The following PATJ variants were observed in gnomAD, a reference collection of about 807,000 sequenced individuals.
PATJ encodes PATJ crumbs cell polarity complex component.
Under a neutral mutation model 224.9 loss-of-function variants are expected in PATJ, and 190 were observed. The observed-to-expected ratio is 0.84, with a 90% CI of 0.75 to 0.95. The LOEUF (loss-of-function observed/expected upper bound fraction) is 0.95. Among genes scored for constraint, PATJ ranks in the 40% least tolerant of loss-of-function variants. PATJ has a pLI of 0.00. For synonymous variants in PATJ, 769 were observed against 820.3 expected (o/e 0.94, Z 1.07); for missense variants, 2,121 against 2,270.3 (o/e 0.93, Z 1.34).
intron 41 of PATJ, among the ~76,000 whole-genome samples, chr1:62,134,330 C>CTTTTTTT (rs779235130): frequency 0.01 from 965 of 96,076 alleles, 2 homozygotes; most frequent in African/African-American, 0.012. Flanking sequence ...CCAGCCCTCT[C>CTTTTTTT]TTTTTTTTTT....
chr1:61,760,670 G>A (rs1036903511), intron 1 of PATJ, among the ~76,000 whole-genome samples: 4 of 144,284 alleles, frequency 2.8e-5, no homozygotes, highest in Admixed American at 7.0e-5. Context: ...AGGCTGGAGT[G>A]CAGTGGCATG....
At chr1:61,849,221 T>C (rs1254657681) in intron 17 of PATJ, among the ~76,000 whole-genome samples, 1 of 152,224 alleles carries the variant, frequency 6.6e-6, no homozygotes, top group Non-Finnish European at 1.5e-5. Flanking sequence ...GAAGGACCTC[T>C]GTAATACAGC....
intron 28 of PATJ, among the ~76,000 whole-genome samples, chr1:61,998,739 A>G (rs757022595): frequency 2.0e-5 from 3 of 152,166 alleles, no homozygotes; most frequent in Non-Finnish European, 4.4e-5. Flanking sequence ...TGCAGGAACT[A>G]TTATGTAAAA....
At chr1:61,814,547 T>TGTGTGTGTGTGTGTGTGTGTGTGCGC (rs370488022) in intron 14 of PATJ, among the ~76,000 whole-genome samples, 6 of 142,570 alleles carry the variant, frequency 4.2e-5, no homozygotes, top group African/African-American at 1.6e-4. Flanking sequence ...TGTGTGTGTG[T>TGTGTGTGTGTGTGTGTGTGTGTGCGC]GCGCGCGCGC....
chr1:61,760,480 CA>C (rs1159744494), intron 1 of PATJ, among the ~76,000 whole-genome samples: 1 of 152,132 alleles, frequency 6.6e-6, no homozygotes, highest in Non-Finnish European at 1.5e-5. Flanking sequence ...TTGGTCATAG[CA>C]AAGGGTTTTG....
chr1:61,927,448 T>G (rs1334995062), intron 26 of PATJ, among the ~76,000 whole-genome samples: 1 of 152,212 alleles, frequency 6.6e-6, no homozygotes, highest in Non-Finnish European at 1.5e-5. Context: ...ACTGACTGTC[T>G]CACTAGAGAA....
intron 22 of PATJ, among the ~76,000 whole-genome samples, chr1:61,890,500 T>C (rs34456069): frequency 0.016 from 2,455 of 152,104 alleles, 26 homozygotes; most frequent in Non-Finnish European, 0.023. Flanking sequence ...GGTTTTTTTT[T>C]CCTTCTTCTT....
chr1:62,141,629 T>C (rs1396377772), intron 41 of PATJ, among the ~76,000 whole-genome samples: 1 of 151,378 alleles, frequency 6.6e-6, no homozygotes, highest in African/African-American at 2.4e-5. Context: ...GAGGTAAGAT[T>C]GTGCCACTGC....
chr1:62,016,394 A>T (rs1646771222), intron 28 of PATJ, among the ~76,000 whole-genome samples: 1 of 152,254 alleles, frequency 6.6e-6, no homozygotes, highest in Admixed American at 6.5e-5. Flanking sequence ...AGAACAAATT[A>T]GATGCTAATT....
At chr1:61,759,359 C>T (rs1050826898) in intron 1 of PATJ, among the ~76,000 whole-genome samples, 4 of 151,940 alleles carry the variant, frequency 2.6e-5, no homozygotes. Flanking sequence ...TTAACCCTTT[C>T]CCCCTCATCC....
At chr1:62,137,455 GTGAGGGGGCACAGCA>G (rs1667036032) in intron 41 of PATJ, among the ~76,000 whole-genome samples, 1 of 29,808 alleles carries the variant, frequency 3.4e-5, no homozygotes, top group Non-Finnish European at 6.3e-5. Flanking sequence ...GGAACACAGA[GTGAGGGGGCACAGCA>G]GCCTGAGGGG....
At position 61,847,225 on chromosome 1, in the gene PATJ, T is replaced by C. The variant is rs535313506; in HGVS notation, c.2113-8805T>C. 3.9e-5 allele frequency among the ~76,000 whole-genome samples: 6 copies of C among 152,324 alleles called. No homozygotes were observed. The East Asian group carries it at 7.7e-4, about 20-fold the overall frequency. On this transcript the variant is annotated intron_variant, in intron 17 of 43. Transcript: ENST00000642238. Reference sequence around the variant, plus strand: ...ACTCCTGCTTAAACCATTTAAAATATTGGGGTGCTTAAAATAGGTTTTTAA... The same window carrying C: ...ACTCCTGCTTAAACCATTTAAAATACTGGGGTGCTTAAAATAGGTTTTTAA...
chr1:61,764,012 T>G (rs967027481), intron 3 of PATJ, among the ~76,000 whole-genome samples: 2 of 151,220 alleles, frequency 1.3e-5, no homozygotes, highest in African/African-American at 4.9e-5. Context: ...TTTTTTTGTG[T>G]GTGTGTGTTA....
chr1:62,002,478 G>A (rs918850220), intron 28 of PATJ, among the ~76,000 whole-genome samples: 17 of 152,000 alleles, frequency 1.1e-4, no homozygotes, highest in Admixed American at 3.9e-4. Flanking sequence ...AGGCTGAGGC[G>A]GGTGGATCAT....
intron 29 of PATJ, among the ~76,000 whole-genome samples, chr1:62,028,350 C>A (rs969930229): frequency 6.6e-6 from 1 of 152,164 alleles, no homozygotes; most frequent in Non-Finnish European, 1.5e-5. Flanking sequence ...ATTACAGATG[C>A]ACCCCATCAG....
At chr1:61,774,590 G>A (rs1360997707) in intron 6 of PATJ, among the ~76,000 whole-genome samples, 1 of 152,134 alleles carries the variant, frequency 6.6e-6, no homozygotes, top group Non-Finnish European at 1.5e-5. Flanking sequence ...CTTTGGTCCT[G>A]TCATTTCTCT....
At chr1:61,979,335 T>A (rs1375769784) in intron 27 of PATJ, among the ~76,000 whole-genome samples, 1 of 152,058 alleles carries the variant, frequency 6.6e-6, no homozygotes, top group African/African-American at 2.4e-5. Context: ...CATCTTAGGT[T>A]AATGGCTGAG....
intron 26 of PATJ, among the ~76,000 whole-genome samples, chr1:61,921,759 AG>A (rs1318891312): frequency 6.6e-6 from 1 of 152,212 alleles, no homozygotes; most frequent in African/African-American, 2.4e-5. Flanking sequence ...AAAACAGATC[AG>A]GGGTTCCTTG....
chr1:61,784,883 CCT>C (rs2148467548), intron 7 of PATJ, among the ~76,000 whole-genome samples: 1 of 152,236 alleles, frequency 6.6e-6, no homozygotes, highest in East Asian at 1.9e-4. Flanking sequence ...GTCCTCCTTG[CCT>C]CTGTTTCTGT....
Sources: gnomAD v4.1 joint callset for allele counts (sites outside exome capture counted in the v4.1 genomes callset) on GRCh38, gnomAD v4.1.1 for gene constraint, MANE v1.5 for transcripts, NCBI Gene and HGNC (gene_info 2026-07-23, HGNC 2026-07-21) for gene names.